C8orf34: variants seen among roughly 807,000 people sequenced by gnomAD.
The protein encoded by C8orf34 is uncharacterized protein C8orf34.
Under a neutral mutation model 68.3 loss-of-function variants are expected in C8orf34, and 65 were observed. The ratio of observed to expected loss-of-function variants is 0.95; its 90% confidence interval spans 0.78 to 1.17. The LOEUF is 1.17. Among genes scored for constraint, C8orf34 ranks in the 50% most tolerant of loss-of-function variants. C8orf34 has a pLI of 0.00. For missense variants in C8orf34, 664 were observed against 655.4 expected (o/e 1.01, Z -0.14); for synonymous variants, 244 against 241.2 (o/e 1.01, Z -0.11).
At chr8:68,782,433 T>A (rs991137436) in intron 11 of C8orf34, among the ~76,000 whole-genome samples, 1 of 36,016 alleles carries the variant, frequency 2.8e-5, no homozygotes, top group African/African-American at 5.4e-4. Context: ...TTGAGTGTCT[T>A]TTTTTTTTTT....
At chr8:68,792,716 T>G (rs1824046184) in intron 12 of C8orf34, 2 of 151,748 alleles carry the variant, frequency 1.3e-5, no homozygotes. Flanking sequence ...AAAAAATAGT[T>G]ACTGAAATTA....
intron 10 of C8orf34, among the ~76,000 whole-genome samples, chr8:68,737,932 G>A (rs1822168065): frequency 6.6e-6 from 1 of 152,088 alleles, no homozygotes; most frequent in Non-Finnish European, 1.5e-5. Flanking sequence ...GGACCTGAGA[G>A]ACGCTTACAA....
chr8:68,587,051 T>A (rs1489176408), intron 7 of C8orf34, among the ~76,000 whole-genome samples: 2 of 152,022 alleles, frequency 1.3e-5, no homozygotes, highest in African/African-American at 2.4e-5. Flanking sequence ...TTTAAATGAA[T>A]CCTCAGACTC....
At chr8:68,675,544 T>C (rs561333437) in intron 8 of C8orf34, among the ~76,000 whole-genome samples, 41 of 151,630 alleles carry the variant, frequency 2.7e-4, no homozygotes, top group Non-Finnish European at 4.3e-4. Context: ...AAGTTAGAAT[T>C]TGCAAGCCTC....
At chr8:68,537,017 G>A (rs1815505633) in intron 7 of C8orf34, among the ~76,000 whole-genome samples, 1 of 152,048 alleles carries the variant, frequency 6.6e-6, no homozygotes, top group Admixed American at 6.6e-5. Flanking sequence ...ATACATTAAG[G>A]TGATCATTTG....
chr8:68,717,559 G>GGGATAA (rs1821512117), intron 9 of C8orf34, among the ~76,000 whole-genome samples: 1 of 152,034 alleles, frequency 6.6e-6, no homozygotes, highest in Non-Finnish European at 1.5e-5. Context: ...GCTGGGTGAT[G>GGGATAA]GGATAAGGAA....
At chr8:68,734,803 C>A (rs1259313300) in intron 10 of C8orf34, among the ~76,000 whole-genome samples, 1 of 152,190 alleles carries the variant, frequency 6.6e-6, no homozygotes, top group Non-Finnish European at 1.5e-5. Flanking sequence ...GAGTTCCCAT[C>A]TGGCGGGTAG....
At chr8:68,620,431 C>A (rs1430218517) in intron 7 of C8orf34, among the ~76,000 whole-genome samples, 1 of 152,000 alleles carries the variant, frequency 6.6e-6, no homozygotes, top group Non-Finnish European at 1.5e-5. Context: ...TGAGGACAGG[C>A]CGGGTCTAGT....
intron 10 of C8orf34, among the ~76,000 whole-genome samples, chr8:68,772,779 T>G (rs935240991): frequency 2.7e-5 from 4 of 149,494 alleles, no homozygotes. Flanking sequence ...CCTTCCTTCT[T>G]TCTTTCTTTC....
At chr8:68,361,851 A>C (rs187523383) in intron 1 of C8orf34, among the ~76,000 whole-genome samples, 61 of 152,390 alleles carry the variant, frequency 4.0e-4, no homozygotes, top group African/African-American at 1.4e-3. Flanking sequence ...TGTTTTGTAC[A>C]CAAAGCAGGC....
At chr8:68,781,632 G>A (rs578113325) in intron 11 of C8orf34, among the ~76,000 whole-genome samples, 1 of 152,288 alleles carries the variant, frequency 6.6e-6, no homozygotes, top group South Asian at 2.1e-4. Context: ...AGAATTATAT[G>A]TAGCCTTATG....
intron 1 of C8orf34, among the ~76,000 whole-genome samples, chr8:68,335,312 A>AG (rs1445450845): frequency 1.7e-4 from 26 of 152,352 alleles, no homozygotes; most frequent in African/African-American, 6.0e-4. Context: ...AAAAATGATT[A>AG]GGAAAATGCT....
intron 7 of C8orf34, among the ~76,000 whole-genome samples, chr8:68,564,930 C>T (rs1474804701): frequency 6.6e-6 from 1 of 152,154 alleles, no homozygotes; most frequent in African/African-American, 2.4e-5. Flanking sequence ...GAGGAGGAAG[C>T]CGACTCTGCT....
At chr8:68,416,136 T>C (rs1809656124) in intron 1 of C8orf34, among the ~76,000 whole-genome samples, 1 of 152,218 alleles carries the variant, frequency 6.6e-6, no homozygotes, top group Non-Finnish European at 1.5e-5. Flanking sequence ...TTATAGACTT[T>C]GGGTTCTACT....
At chr8:68,368,954 A>G (rs1307264621) in intron 1 of C8orf34, among the ~76,000 whole-genome samples, 1 of 152,170 alleles carries the variant, frequency 6.6e-6, no homozygotes, top group Non-Finnish European at 1.5e-5. Flanking sequence ...AGTAAGATGT[A>G]TATGTAACTT....
chr8:68,533,675 T>G, intron 7 of C8orf34: 7 of 967,436 alleles, frequency 7.2e-6, no homozygotes, highest in Non-Finnish European at 8.6e-6. Flanking sequence ...GGCCTGTTAC[T>G]TTCATGAAAC....
chr8:68,557,590 A>G (rs1017989939), intron 7 of C8orf34, among the ~76,000 whole-genome samples: 2 of 152,096 alleles, frequency 1.3e-5, no homozygotes, highest in Non-Finnish European at 2.9e-5. Context: ...TCCACCTTGC[A>G]TGTAAGCTAT....
intron 1 of C8orf34, among the ~76,000 whole-genome samples, chr8:68,386,919 A>G (rs1219957882): frequency 6.6e-6 from 1 of 152,074 alleles, no homozygotes; most frequent in Non-Finnish European, 1.5e-5. Flanking sequence ...AGACATTGCC[A>G]AAAGTGCCCT....
chr8:68,543,625 G>C (rs1236253042), intron 7 of C8orf34, among the ~76,000 whole-genome samples: 2 of 152,162 alleles, frequency 1.3e-5, no homozygotes, highest in African/African-American at 2.4e-5. Flanking sequence ...AGATTACATA[G>C]TTGGTACTCA....
Sources: allele counts gnomAD v4.1 joint callset (sites outside exome capture counted in the v4.1 genomes callset), GRCh38; gene constraint gnomAD v4.1.1; transcripts MANE v1.5; gene names NCBI Gene and HGNC (gene_info 2026-07-23, HGNC 2026-07-21).